AGBL1: variants seen among roughly 807,000 people sequenced by gnomAD.
The protein encoded by AGBL1 is cytosolic carboxypeptidase 4.
Under a neutral mutation model 118.9 loss-of-function variants are expected in AGBL1, and 130 were observed. The observed-to-expected ratio is 1.09, with a 90% CI of 0.95 to 1.26. The LOEUF (loss-of-function observed/expected upper bound fraction) is 1.26. Ranked by LOEUF, AGBL1 falls within the 50% of genes most tolerant of loss-of-function variation. AGBL1 has a pLI of 0.00. For missense variants in AGBL1, 1,584 were observed against 1,298.1 expected (o/e 1.22, Z -3.38); for synonymous variants, 555 against 478.9 (o/e 1.16, Z -2.08).
At chr15:86,925,485 C>T (rs887125273) in intron 23 of AGBL1, among the ~76,000 whole-genome samples, 12 of 152,030 alleles carry the variant, frequency 7.9e-5, no homozygotes, top group Non-Finnish European at 1.3e-4. Context: ...CTATTAATAA[C>T]ACCAGTCCTA....
chr15:86,777,960 C>T (rs114973800), intron 22 of AGBL1, among the ~76,000 whole-genome samples: 1,604 of 152,124 alleles, frequency 0.011, 29 homozygotes, highest in African/African-American at 0.036. Flanking sequence ...AGATATCGGG[C>T]GAAGTTCACC....
intron 24 of AGBL1, among the ~76,000 whole-genome samples, chr15:86,992,037 A>G (rs1191017579): frequency 1.3e-5 from 2 of 152,112 alleles, no homozygotes; most frequent in Non-Finnish European, 2.9e-5. Context: ...TCCTAATTCT[A>G]CAGGCTGTAC....
chr15:86,430,482 G>A (rs1194249566), intron 18 of AGBL1, among the ~76,000 whole-genome samples: 11 of 144,648 alleles, frequency 7.6e-5, no homozygotes, highest in African/African-American at 1.0e-4. Flanking sequence ...GTGAAAAAGC[G>A]CCGTCGCAAA....
intron 17 of AGBL1, among the ~76,000 whole-genome samples, chr15:86,395,462 T>C (rs1447289085): frequency 1.3e-5 from 2 of 152,154 alleles, no homozygotes; most frequent in Non-Finnish European, 1.5e-5. Context: ...TGTATACACC[T>C]CCATTAGCTC....
At chr15:86,442,794 G>T (rs1205808999) in intron 18 of AGBL1, among the ~76,000 whole-genome samples, 1 of 152,230 alleles carries the variant, frequency 6.6e-6, no homozygotes, top group Admixed American at 6.5e-5. Flanking sequence ...CATTCTCAGG[G>T]CTGAAGTGTT....
intron 1 of AGBL1, among the ~76,000 whole-genome samples, chr15:86,085,550 G>A (rs1000846466): frequency 6.6e-6 from 1 of 152,158 alleles, no homozygotes; most frequent in Non-Finnish European, 1.5e-5. Context: ...GACTGCTGAT[G>A]TAATGTGATC....
intron 22 of AGBL1, among the ~76,000 whole-genome samples, chr15:86,775,083 G>A (rs1343711281): frequency 1.3e-5 from 2 of 152,172 alleles, no homozygotes; most frequent in South Asian, 2.1e-4. Flanking sequence ...TTCAAAACAG[G>A]CATGATTCCT....
chr15:86,504,862 A>AT (rs1237192955), intron 18 of AGBL1, among the ~76,000 whole-genome samples: 4 of 151,722 alleles, frequency 2.6e-5, no homozygotes, highest in Non-Finnish European at 5.9e-5. Context: ...TTTATCAGTG[A>AT]TTTTTTAAAT....
intron 19 of AGBL1, among the ~76,000 whole-genome samples, chr15:86,541,811 A>G (rs1380715952): frequency 6.6e-6 from 1 of 152,074 alleles, no homozygotes; most frequent in East Asian, 1.9e-4. Flanking sequence ...CACAACAACT[A>G]CCTCATGTTG....
At chr15:86,973,994 T>C (rs1197501395) in intron 23 of AGBL1, among the ~76,000 whole-genome samples, 35 of 131,846 alleles carry the variant, frequency 2.7e-4, no homozygotes, top group African/African-American at 8.1e-4. Flanking sequence ...ACATATTTAA[T>C]ATATTAAATA....
intron 23 of AGBL1, among the ~76,000 whole-genome samples, chr15:86,963,320 A>G (rs2081013033): frequency 6.6e-6 from 1 of 152,126 alleles, no homozygotes; most frequent in African/African-American, 2.4e-5. Flanking sequence ...ACACTCTTCT[A>G]ATAGTGCCAA....
At chr15:86,740,237 C>T (rs1387791371) in intron 22 of AGBL1, among the ~76,000 whole-genome samples, 1 of 152,216 alleles carries the variant, frequency 6.6e-6, no homozygotes, top group Admixed American at 6.5e-5. Flanking sequence ...TCCCTAGCAT[C>T]CCCATACTGG....
At chr15:86,451,366 T>C (rs748932427) in intron 18 of AGBL1, among the ~76,000 whole-genome samples, 1 of 152,234 alleles carries the variant, frequency 6.6e-6, no homozygotes, top group African/African-American at 2.4e-5. Context: ...CCTTGTTCTT[T>C]GCATTCTTAT....
intron 21 of AGBL1, among the ~76,000 whole-genome samples, chr15:86,616,733 G>A (rs959933185): frequency 5.3e-5 from 8 of 152,114 alleles, no homozygotes; most frequent in African/African-American, 1.9e-4. Flanking sequence ...CCAGTCACCT[G>A]TCACTTTGTC....
intron 22 of AGBL1, among the ~76,000 whole-genome samples, chr15:86,874,370 G>A (rs2079774311): frequency 7.7e-6 from 1 of 129,372 alleles, no homozygotes; most frequent in South Asian, 2.5e-4. Flanking sequence ...CCCCAAGATT[G>A]TTGTGGGTGG....
chr15:86,519,497 A>G (rs2083160360), intron 18 of AGBL1, among the ~76,000 whole-genome samples: 1 of 152,180 alleles, frequency 6.6e-6, no homozygotes, highest in Non-Finnish European at 1.5e-5. Flanking sequence ...GACTGCATGA[A>G]TCTCTGATAT....
chr15:86,651,193 T>C, intron 21 of AGBL1, among the ~76,000 whole-genome samples: 1 of 152,156 alleles, frequency 6.6e-6, no homozygotes, highest in East Asian at 1.9e-4. Flanking sequence ...GTAGCTATCA[T>C]GGTGAGGCCC....
intron 21 of AGBL1, among the ~76,000 whole-genome samples, chr15:86,570,886 C>A (rs1366043388): frequency 6.6e-6 from 1 of 152,154 alleles, no homozygotes; most frequent in Non-Finnish European, 1.5e-5. Context: ...GCTCATGCTA[C>A]TGGCCTGGAT....
intron 22 of AGBL1, among the ~76,000 whole-genome samples, chr15:86,843,175 C>T (rs911832564): frequency 1.3e-5 from 2 of 152,126 alleles, no homozygotes; most frequent in Non-Finnish European, 2.9e-5. Flanking sequence ...CATGCATCTG[C>T]ATTTACCACA....
Sources: allele counts gnomAD v4.1 joint callset (sites outside exome capture counted in the v4.1 genomes callset), GRCh38; gene constraint gnomAD v4.1.1; transcripts MANE v1.5; gene names NCBI Gene and HGNC (gene_info 2026-07-23, HGNC 2026-07-21).